Variants in SAMD5 observed in about 807,000 individuals in gnomAD.
SAMD5 encodes sterile alpha motif domain-containing protein 5.
A neutral mutation model predicts 11.3 loss-of-function variants in SAMD5; 13 were observed. That is an observed-to-expected ratio of 1.15 (90% CI 0.75 to 1.83). The LOEUF (loss-of-function observed/expected upper bound fraction) is 1.83. Ranked by LOEUF, SAMD5 falls within the 40% of genes most tolerant of loss-of-function variation. The probability of loss-of-function intolerance (pLI) is 0.00; values close to 1 mark genes in which losing one functional copy is unlikely to be tolerated. For synonymous variants in SAMD5, 129 were observed against 111.3 expected (o/e 1.16, Z -1.00); for missense variants, 255 against 239.1 (o/e 1.07, Z -0.44).
intron 1 of SAMD5, among the ~76,000 whole-genome samples, chr6:147,532,180 T>C (rs1345317993): frequency 6.6e-6 from 1 of 152,140 alleles, no homozygotes; most frequent in South Asian, 2.1e-4. Flanking sequence ...TGTTTTTTGG[T>C]TACATAGATA....
the SAMD5 span, among the ~76,000 whole-genome samples, chr6:147,817,998 A>T: frequency 6.6e-6 from 1 of 152,212 alleles, no homozygotes; most frequent in East Asian, 1.9e-4. Context: ...CTTTATGAAA[A>T]TTTACTTTAG....
At chr6:147,859,225 AG>A in the SAMD5 span, among the ~76,000 whole-genome samples, 24 of 138,632 alleles carry the variant, frequency 1.7e-4, 2 homozygotes, top group South Asian at 5.0e-3. Context: ...CCAAAAGCAT[AG>A]GGGGACGTGA....
At chr6:147,938,292 A>ACT in the SAMD5 span, among the ~76,000 whole-genome samples, 67,272 of 151,734 alleles carry the variant, frequency 0.44, 15,307 homozygotes, top group South Asian at 0.66. Context: ...AGATCAAAGA[A>ACT]CTCATTACTG....
At chr6:147,763,860 G>T in the SAMD5 span, among the ~76,000 whole-genome samples, 2 of 152,202 alleles carry the variant, frequency 1.3e-5, no homozygotes, top group African/African-American at 4.8e-5. Context: ...GGGATTACAG[G>T]CATGAGCCAC....
At chr6:147,951,942 A>AG in the SAMD5 span, among the ~76,000 whole-genome samples, 1 of 152,320 alleles carries the variant, frequency 6.6e-6, no homozygotes, top group African/African-American at 2.4e-5. Context: ...CATTTAACGC[A>AG]GGGGGGCCAT....
chr6:147,527,821 G>T (rs1243558095), intron 1 of SAMD5, among the ~76,000 whole-genome samples: 1 of 152,032 alleles, frequency 6.6e-6, no homozygotes, highest in South Asian at 2.1e-4. Context: ...TTATAAAGAG[G>T]TAATTTATAA....
At chr6:147,902,056 G>A in the SAMD5 span, among the ~76,000 whole-genome samples, 6 of 152,070 alleles carry the variant, frequency 3.9e-5, no homozygotes, top group African/African-American at 1.4e-4. Flanking sequence ...TTATGACATA[G>A]GGCCTGAATA....
At chr6:147,696,656 T>C (rs1791180769) in intron 1 of SAMD5, among the ~76,000 whole-genome samples, 1 of 152,214 alleles carries the variant, frequency 6.6e-6, no homozygotes, top group Admixed American at 6.5e-5. Context: ...TGTAGGAGTT[T>C]TCCTAAGCTG....
At chr6:147,850,821 T>C in the SAMD5 span, among the ~76,000 whole-genome samples, 1 of 151,822 alleles carries the variant, frequency 6.6e-6, no homozygotes, top group Non-Finnish European at 1.5e-5. Context: ...AGTCACCGAG[T>C]AGCAGACTCG....
intron 1 of SAMD5, among the ~76,000 whole-genome samples, chr6:147,621,426 C>T (rs1789963511): frequency 6.6e-6 from 1 of 151,778 alleles, no homozygotes; most frequent in South Asian, 2.1e-4. Flanking sequence ...GGGATGATGC[C>T]AGAGCCTTCA....
chr6:147,783,963 C>A, the SAMD5 span, among the ~76,000 whole-genome samples: 1 of 152,098 alleles, frequency 6.6e-6, no homozygotes, highest in South Asian at 2.1e-4. Context: ...TTGGAGTCCT[C>A]AGGGCAGAGA....
At position 147,699,602 on chromosome 6, in the gene SAMD5, G is replaced by T. The variant is rs553708767; in HGVS notation, c.163-37715G>T. Among the ~76,000 whole-genome samples, 141 of 152,226 alleles carry T rather than the reference G, an allele frequency of 9.3e-4. 2 individuals are homozygous for T. The highest frequency in any genetic ancestry group is 6.2e-3 in the Admixed American group (95 of 15,282). ...ATTAATTCATTTAACTAAGAGTCCT[G>T]ATCTTTAAATATTAAATGTTTGAGT... On this transcript the variant is annotated intron_variant, in intron 1 of 1. Coordinates refer to the SAMD5 transcript ENST00000566741.
At chr6:147,570,062 G>A, downstream of SAMD5, 3 of 956,326 alleles carry the variant, frequency 3.1e-6, no homozygotes, top group Non-Finnish European at 3.7e-6. Flanking sequence ...ACATCTTGAT[G>A]AATGTGATGG....
In SAMD5 at chr6:147,569,376, A is replaced by G. The variant is rs916891111; in HGVS notation, c.*4920A>G. 2 of 940,484 alleles carry G rather than the reference A, an allele frequency of 2.1e-6. No individual in the cohort carries two copies. 58.3% of individuals were successfully genotyped at this position (940,484 alleles called of 1,614,324 possible). ...AGATACCTTTTCAGAGGAAAACAAG[A>G]GGCTAAATTCCATGTTAAGAGCTAA... is the stretch of plus-strand genomic sequence containing the variant. On this transcript the variant is annotated 3_prime_UTR_variant, in exon 2 of 2. Transcript: ENST00000367474.
chr6:147,725,448 G>A (rs1325204545), intron 1 of SAMD5, among the ~76,000 whole-genome samples: 1 of 149,186 alleles, frequency 6.7e-6, no homozygotes, highest in Non-Finnish European at 1.5e-5. Flanking sequence ...TAGTACAGTG[G>A]CTCAATCTCA....
At chr6:147,675,654 C>T (rs1169798855) in intron 1 of SAMD5, among the ~76,000 whole-genome samples, 2 of 152,088 alleles carry the variant, frequency 1.3e-5, no homozygotes, top group African/African-American at 2.4e-5. Flanking sequence ...TCATTAAGGC[C>T]TCACTCTTAA....
chr6:147,847,984 G>A, the SAMD5 span, among the ~76,000 whole-genome samples: 1 of 152,216 alleles, frequency 6.6e-6, no homozygotes, highest in African/African-American at 2.4e-5. Context: ...GAGGAAGCAG[G>A]CAGATTTAGC....
chr6:147,630,501 TCTC>T (rs1351813741), intron 1 of SAMD5, among the ~76,000 whole-genome samples: 1 of 152,068 alleles, frequency 6.6e-6, no homozygotes, highest in Non-Finnish European at 1.5e-5. Flanking sequence ...TGGAATTCCT[TCTC>T]CTGGCTCATC....
intron 1 of SAMD5, among the ~76,000 whole-genome samples, chr6:147,726,719 C>T (rs1292065132): frequency 2.0e-5 from 3 of 152,242 alleles, no homozygotes; most frequent in Non-Finnish European, 4.4e-5. Flanking sequence ...CTCTCCTTCC[C>T]AAGAACCTTC....
Sources: gnomAD v4.1 joint callset for allele counts (sites outside exome capture counted in the v4.1 genomes callset) on GRCh38, gnomAD v4.1.1 for gene constraint, MANE v1.5 for transcripts, NCBI Gene and HGNC (gene_info 2026-07-23, HGNC 2026-07-21) for gene names.